TGFBR3: variants seen among roughly 807,000 people sequenced by gnomAD.
TGFBR3 encodes the protein transforming growth factor beta receptor type 3.
In TGFBR3, 46 loss-of-function variants were observed where a neutral mutation model predicts 87.9. The ratio of observed to expected loss-of-function variants is 0.52; its 90% confidence interval spans 0.41 to 0.67. The LOEUF (loss-of-function observed/expected upper bound fraction) is 0.67, where lower values mean the gene tolerates loss of function less well. TGFBR3 is among the 30% of genes least tolerant of loss of function. The pLI is 0.00. For missense variants in TGFBR3, 866 were observed against 1,041.9 expected (o/e 0.83, Z 2.32); for synonymous variants, 381 against 391.6 (o/e 0.97, Z 0.32).
intron 1 of TGFBR3, among the ~76,000 whole-genome samples, chr1:91,901,542 G>A (rs2101350585): frequency 6.6e-6 from 1 of 152,132 alleles, no homozygotes; most frequent in South Asian, 2.1e-4. Flanking sequence ...AAATGTTATT[G>A]TATACTATTA....
intron 2 of TGFBR3, among the ~76,000 whole-genome samples, chr1:91,896,235 G>A (rs191949409): frequency 3.3e-5 from 5 of 152,274 alleles, no homozygotes; most frequent in Admixed American, 3.3e-4. Flanking sequence ...TATATTCCTA[G>A]CTCCTAGCAG....
chr1:91,755,826 C>T (rs1407230443), intron 4 of TGFBR3, among the ~76,000 whole-genome samples: 2 of 152,198 alleles, frequency 1.3e-5, no homozygotes, highest in African/African-American at 4.8e-5. Context: ...CCCACACTTT[C>T]ATCTGGACCT....
At chr1:91,695,384 C>T (rs1555889) in intron 16 of TGFBR3, 57,375 of 400,098 alleles carry the variant, frequency 0.14, 4,712 homozygotes, top group East Asian at 0.25. Flanking sequence ...TATTTCTGTA[C>T]GTTGTCTGCA....
rs1222017327 is a variant in TGFBR3, at chr1:91,833,267, G to A, written c.61+28204C>T. Among the ~76,000 whole-genome samples the A allele has an allele frequency of 2.7e-5, 3 of 111,348 alleles. No homozygotes were observed. The Admixed American group carries it at 3.5e-4, about 13-fold the overall frequency. The allele number at this position is 111,348 out of a possible 152,430, so 73.0% of individuals were successfully genotyped here. On this transcript the variant is annotated intron_variant, in intron 2 of 16. Transcript: ENST00000212355. ...GCCGAGATCACTCCATTGCACTCCAGCCCAGGCGACAGTAGGAGACTCCGA... is the reference window on the plus strand; with the variant it reads ...GCCGAGATCACTCCATTGCACTCCAACCCAGGCGACAGTAGGAGACTCCGA...
rs572095434 is a variant in TGFBR3, at chr1:91,884,195, C to G, written c.-114+1683G>C. ...GTTAGCTGGGCGTGGTAGCGCGCGC[C>G]TGTAGTCCCAGCTACTCTGGAGGCT... On this transcript the variant is annotated intron_variant, in intron 1 of 16. Coordinates refer to ENST00000212355, the MANE Select transcript of TGFBR3 (RefSeq NM_003243.5). Among the ~76,000 whole-genome samples the G allele has an allele frequency of 4.5e-3, 452 of 100,156 alleles. 4 individuals are homozygous for G. The highest frequency in any genetic ancestry group is 5.8e-3 in the Middle Eastern group (1 of 172). The allele number at this position is 100,156 out of a possible 152,430, so 65.7% of individuals were successfully genotyped here.
chr1:91,851,687 G>C (rs1677742505), intron 2 of TGFBR3, among the ~76,000 whole-genome samples: 1 of 152,212 alleles, frequency 6.6e-6, no homozygotes, highest in African/African-American at 2.4e-5. Context: ...GGCACATACA[G>C]ATAAAGCTGT....
rs1176419784 is a variant in TGFBR3 at position 91,680,486 on chromosome 1, C to T, written c.*3253G>A. 3 of 453,834 alleles carry T rather than the reference C, an allele frequency of 6.6e-6. No homozygotes were observed. In the Admixed American group the frequency reaches 7.1e-5, roughly 11 times the overall value. 28.1% of individuals were successfully genotyped at this position (453,834 alleles called of 1,614,324 possible). On this transcript the variant is annotated 3_prime_UTR_variant, in exon 17 of 17. Coordinates refer to ENST00000212355, the MANE Select transcript of TGFBR3 (RefSeq NM_003243.5). ...ATACAACAGGGGTGTTCAAACTGGC[C>T]ACAGGGATTTTAAGGGTACTCGTTT...
At chr1:91,878,171 C>G (rs1011358852) in intron 1 of TGFBR3, among the ~76,000 whole-genome samples, 11 of 151,826 alleles carry the variant, frequency 7.2e-5, no homozygotes, top group African/African-American at 1.7e-4. Flanking sequence ...AGAGATAACT[C>G]ACAGCAACAC....
chr1:91,790,906 T>G (rs909574419), intron 3 of TGFBR3, among the ~76,000 whole-genome samples: 4 of 152,040 alleles, frequency 2.6e-5, no homozygotes, highest in Non-Finnish European at 5.9e-5. Context: ...GCACACCCAC[T>G]CCTCCCCAAG....
Position 91,821,570 on chromosome 1 carries a change from C to A in TGFBR3, c.62-24099G>T, listed in dbSNP as rs547907599. 2.0e-5 allele frequency among the ~76,000 whole-genome samples: 3 copies of A among 152,310 alleles called. No homozygotes were observed. In the South Asian group the frequency reaches 6.2e-4, roughly 32 times the overall value. On this transcript the variant is annotated intron_variant, in intron 2 of 16. Coordinates refer to ENST00000212355, the MANE Select transcript of TGFBR3 (RefSeq NM_003243.5). The stretch of plus-strand genomic sequence containing the variant: ...ATCATATGTGGTTTAAAGGAACAAT[C>A]TCAGTGTCTCTCTAGGAAGCAGAGA...
chr1:91,699,911 G>C (rs1671563847), intron 14 of TGFBR3, among the ~76,000 whole-genome samples: 1 of 152,130 alleles, frequency 6.6e-6, no homozygotes, highest in South Asian at 2.1e-4. Flanking sequence ...GAGATATTAT[G>C]GTCCACCACC....
intron 2 of TGFBR3, among the ~76,000 whole-genome samples, chr1:91,849,171 C>G (rs146883762): frequency 6.6e-6 from 1 of 152,310 alleles, no homozygotes; most frequent in East Asian, 1.9e-4. Flanking sequence ...CTTTGCCCAA[C>G]AGCCTATTCT....
chr1:91,847,116 G>A (rs895374969), intron 2 of TGFBR3, among the ~76,000 whole-genome samples: 2 of 152,070 alleles, frequency 1.3e-5, no homozygotes, highest in Admixed American at 6.6e-5. Context: ...ACTACTCAAT[G>A]GCAGTGTAAA....
In TGFBR3 at chr1:91,716,641, G is replaced by A. The variant is rs2100772364; in HGVS notation, c.1634C>T (p.Ser545Leu). ...ATCTCCCGGAAATCCATTATCACCT[G>A]ACTCCAGATCTTCATAACCATCTGG... is the stretch of plus-strand genomic sequence containing the variant. ...GWPDGYEDLE[S>L]GDNGFPGDMD... The change falls in exon 11 of 17, where the codon TCA (serine) becomes TTA (leucine). Residue 545 changes from serine to leucine, a missense_variant. Ser to Leu is a moderately radical substitution (Grantham distance 145). Transcript: ENST00000212355. 6.2e-7 allele frequency: 1 copy of A among 1,614,104 alleles called. No individual in the cohort carries two copies. The highest frequency in any genetic ancestry group is 8.5e-7 in the Non-Finnish European group (1 of 1,180,020).
chr1:91,822,780 G>A (rs1182473757), intron 2 of TGFBR3, among the ~76,000 whole-genome samples: 1 of 151,858 alleles, frequency 6.6e-6, no homozygotes, highest in Non-Finnish European at 1.5e-5. Flanking sequence ...TACAAAAATT[G>A]GCCAGCGTGG....
chr1:91,903,142 C>T (rs1024847267), intron 1 of TGFBR3, among the ~76,000 whole-genome samples: 2 of 150,898 alleles, frequency 1.3e-5, no homozygotes, highest in South Asian at 2.1e-4. Flanking sequence ...AGTTTGAGAC[C>T]GGCCTGACCA....
intron 1 of TGFBR3, among the ~76,000 whole-genome samples, chr1:91,874,369 G>A (rs1203158935): frequency 6.6e-6 from 1 of 152,212 alleles, no homozygotes; most frequent in African/African-American, 2.4e-5. Flanking sequence ...AGCTGGAGCA[G>A]ATTGAGCAGC....
At chr1:91,873,959 AAAAAG>A (rs1557756307) in intron 1 of TGFBR3, among the ~76,000 whole-genome samples, 1 of 152,130 alleles carries the variant, frequency 6.6e-6, no homozygotes, top group Non-Finnish European at 1.5e-5. Flanking sequence ...CAAAAAAAAA[AAAAAG>A]AAATCCATAA....
chr1:91,687,339 G>A (rs555183741), intron 16 of TGFBR3, among the ~76,000 whole-genome samples: 117 of 152,132 alleles, frequency 7.7e-4, no homozygotes, highest in African/African-American at 2.8e-3. Context: ...CTACCAGGGG[G>A]AAGAAGAAAA....
Sources: gnomAD v4.1 joint callset for allele counts (sites outside exome capture counted in the v4.1 genomes callset) on GRCh38, gnomAD v4.1.1 for gene constraint, MANE v1.5 for transcripts, NCBI Gene and HGNC (gene_info 2026-07-23, HGNC 2026-07-21) for gene names.